The following NRL variants were observed in gnomAD, a reference collection of about 807,000 sequenced individuals.
NRL encodes neural retina-specific leucine zipper protein.
Under a neutral mutation model 12.5 loss-of-function variants are expected in NRL, and 16 were observed. The observed-to-expected ratio is 1.28, with a 90% CI of 0.87 to 1.95. The LOEUF (loss-of-function observed/expected upper bound fraction) is 1.95, where lower values mean the gene tolerates loss of function less well. Among genes scored for constraint, NRL ranks in the 30% most tolerant of loss-of-function variants. The pLI is 0.00. For synonymous variants in NRL, 142 were observed against 150.9 expected (o/e 0.94, Z 0.43); for missense variants, 314 against 325.8 (o/e 0.96, Z 0.28).
rs1231379385 is a variant in NRL at position 24,085,080 on chromosome 14, T to C, written c.-27-2205A>G. Among the ~76,000 whole-genome samples the C allele has an allele frequency of 2.6e-5, 4 of 152,180 alleles. No homozygotes were observed. The highest frequency in any genetic ancestry group is 5.9e-5 in the Non-Finnish European group (4 of 68,044). Reference sequence around the variant, plus strand: ...CCGGGCCTTTTGGATCTGTTTCCTATTTTCAAGAATCCTCACATTTCTACC... The same window carrying C: ...CCGGGCCTTTTGGATCTGTTTCCTACTTTCAAGAATCCTCACATTTCTACC... On this transcript the variant is annotated intron_variant, in intron 1 of 2. Transcript: ENST00000561028. The surrounding 1 kb of genome is among the most constrained non-coding windows in gnomAD (Gnocchi z 4.1).
Position 24,081,063 on chromosome 14 carries a change from T to A in NRL, c.*173A>T, listed in dbSNP as rs540751400. 497 of 426,294 alleles carry A rather than the reference T, an allele frequency of 1.2e-3. 10 individuals carry two copies. The South Asian group carries it at 0.04, about 34-fold the overall frequency. The allele number at this position is 426,294 out of a possible 1,614,324, so 26.4% of individuals were successfully genotyped here. ...CCCTCTCCAGAAAATGACCAGCATC[T>A]AAATTCGGGCATGACTTGAGGACCC... On this transcript the variant is annotated 3_prime_UTR_variant, in exon 3 of 3. Coordinates refer to ENST00000561028, the MANE Select transcript of NRL (RefSeq NM_001354768.3). This position sits in a 1 kb window ranked among gnomAD's most constrained non-coding sequence, Gnocchi z 4.4.
At chr14:24,099,767 C>T (rs779115372) in intron 1 of NRL, 1 of 1,570,310 alleles carries the variant, frequency 6.4e-7, no homozygotes, top group South Asian at 1.1e-5. Context: ...CTTGTCAGAG[C>T]CTCGGGGTCT....
Position 24,094,366 on chromosome 14 carries a change from G to A in NRL, c.-27-11491C>T, listed in dbSNP as rs909846153. ...CCGCCTTCCATACCTCCCCGGCTCC[G>A]CTCGGTTCCTGGCCACCCCGCAGCC... On this transcript the variant is annotated intron_variant, in intron 1 of 2. Transcript: ENST00000561028. This position sits in a 1 kb window ranked among gnomAD's most constrained non-coding sequence, Gnocchi z 4.1. 1.3e-6 allele frequency: 2 copies of A among 1,528,296 alleles called. No homozygotes were observed. Among genetic ancestry groups the A allele is most frequent in the South Asian group, 1.2e-5 (1 of 83,784 alleles). 94.7% of individuals were successfully genotyped at this position (1,528,296 alleles called of 1,614,324 possible). A position where few individuals can be genotyped will look rare whatever the true frequency, so the allele number is the denominator to read the frequency against.
intron 1 of NRL, chr14:24,084,826 A>C: frequency 1.8e-6 from 1 of 559,594 alleles, no homozygotes; most frequent in Non-Finnish European, 2.3e-6. Flanking sequence ...CTTCCCCAAC[A>C]AAGCTCCTCA....
rs2036798658 is a variant in NRL, at chr14:24,094,984, G to A, written c.-27-12109C>T. 1.6e-6 allele frequency: 1 copy of A among 627,954 alleles called. No individual in the cohort carries two copies. Among genetic ancestry groups the A allele is most frequent in the Non-Finnish European group, 2.5e-6 (1 of 397,316 alleles). The allele number at this position is 627,954 out of a possible 1,614,324, so 38.9% of individuals were successfully genotyped here. A position where few individuals can be genotyped will look rare whatever the true frequency, so the allele number is the denominator to read the frequency against. Reference sequence around the variant, plus strand: ...AGCAGCCCGAGGGACCTGGGCCCAGGGGAGGGAGGCAAGCAAGGTGGGAGG... The same window carrying A: ...AGCAGCCCGAGGGACCTGGGCCCAGAGGAGGGAGGCAAGCAAGGTGGGAGG... On this transcript the variant is annotated intron_variant, in intron 1 of 2. Coordinates refer to ENST00000561028, the MANE Select transcript of NRL (RefSeq NM_001354768.3). This position sits in a 1 kb window ranked among gnomAD's most constrained non-coding sequence, Gnocchi z 4.1.
chr14:24,103,386 T>C (rs2037244785), intron 1 of NRL: 3 of 1,169,194 alleles, frequency 2.6e-6, no homozygotes, highest in African/African-American at 1.5e-5. Context: ...ACTTCTATCT[T>C]TTCCCCATCC....
chr14:24,112,227 G>T, intron 1 of NRL, among the ~76,000 whole-genome samples: 1 of 129,106 alleles, frequency 7.7e-6, no homozygotes. Flanking sequence ...TGTGCTGCTG[G>T]ATTCGGTTTG....
intron 1 of NRL, among the ~76,000 whole-genome samples, chr14:24,089,934 A>C (rs1212159635): frequency 2.6e-5 from 4 of 152,184 alleles, no homozygotes; most frequent in African/African-American, 9.7e-5. Flanking sequence ...GCCAGAGAGT[A>C]GAAAGCCTGG....
chr14:24,081,027 G>C lies in NRL; in HGVS notation c.*209C>G, dbSNP rs1218397600. ...GTGGGCTGGGTTTCTGTGTTCGTAAGGGGAGGGGACCCCTCTCCAGAAAAT... is the reference window on the plus strand; with the variant it reads ...GTGGGCTGGGTTTCTGTGTTCGTAACGGGAGGGGACCCCTCTCCAGAAAAT... On this transcript the variant is annotated 3_prime_UTR_variant, in exon 3 of 3. Coordinates refer to ENST00000561028, the MANE Select transcript of NRL (RefSeq NM_001354768.3). The surrounding 1 kb of genome is among the most constrained non-coding windows in gnomAD (Gnocchi z 4.4). 2 of 402,470 alleles carry C rather than the reference G, an allele frequency of 5.0e-6. No individual in the cohort carries two copies. The highest frequency in any genetic ancestry group is 8.7e-6 in the Non-Finnish European group (2 of 230,836). The allele number at this position is 402,470 out of a possible 1,614,324, so 24.9% of individuals were successfully genotyped here.
chr14:24,081,353 G>A lies in NRL; in HGVS notation c.597C>T (p.Asp199=). 9 of 1,459,006 alleles carry A rather than the reference G, an allele frequency of 6.2e-6. No individual in the cohort carries two copies. The highest frequency in any genetic ancestry group is 1.5e-5 in the African/African-American group (1 of 67,924). The allele number at this position is 1,459,006 out of a possible 1,614,324, so 90.4% of individuals were successfully genotyped here. The change falls in exon 3 of 3, where the codon GAC becomes GAT. Residue 199 remains aspartate (D), a synonymous_variant. Coordinates refer to ENST00000561028, the MANE Select transcript of NRL (RefSeq NM_001354768.3). The surrounding 1 kb of genome is among the most constrained non-coding windows in gnomAD (Gnocchi z 4.4). ...GGCGGGCCACCTCGGCCCGCAGCGC[G>A]TCCAGCTGGGCGGCCAGGCGGGCGC... ...AERARLAAQL[D]ALRAEVARLA... is the part of the protein sequence containing the mutation.
Sources: allele counts gnomAD v4.1 joint callset (sites outside exome capture counted in the v4.1 genomes callset), GRCh38; gene constraint gnomAD v4.1.1; non-coding constraint Gnocchi (gnomAD v3.1); transcripts MANE v1.5; gene names NCBI Gene and HGNC (gene_info 2026-07-23, HGNC 2026-07-21).